The following ANKHD1 variants were observed in gnomAD, a reference collection of about 807,000 sequenced individuals.
The protein encoded by ANKHD1 is ankyrin repeat and KH domain containing 1, also known as ankyrin repeat and KH domain-containing protein 1.
A neutral mutation model predicts 230.5 loss-of-function variants in ANKHD1; 31 were observed. That is an observed-to-expected ratio of 0.13 (90% CI 0.10 to 0.18). The LOEUF (loss-of-function observed/expected upper bound fraction) is 0.18. Among genes scored for constraint, ANKHD1 ranks in the 10% least tolerant of loss-of-function variants. The pLI is 1.00. For missense variants in ANKHD1, 2,256 were observed against 3,071.3 expected, an observed-to-expected ratio of 0.73 and a Z score of 6.27; for synonymous variants, 1,074 against 1,117.6, an observed-to-expected ratio of 0.96 and a Z score of 0.78.
chr5:140,536,365 A>T (rs1489041164), intron 30 of ANKHD1, among the ~76,000 whole-genome samples: 1 of 152,228 alleles, frequency 6.6e-6, no homozygotes, highest in East Asian at 1.9e-4. Context: ...AAGTGCTGGG[A>T]TTACAGGCGT....
chr5:140,476,970 A>G (rs994757910), intron 10 of ANKHD1, among the ~76,000 whole-genome samples: 1 of 152,136 alleles, frequency 6.6e-6, no homozygotes, highest in Admixed American at 6.5e-5. Flanking sequence ...TTTAAAGAAA[A>G]ATAGAATCGT....
rs1214671694 is a variant in ANKHD1 at position 140,402,188 on chromosome 5, C to T, written c.221C>T (p.Ala74Val). Residue 74 changes from alanine (A) to valine (V), a missense_variant, in exon 1 of 34, where the codon GCG (alanine) becomes GTG (valine). Coordinates refer to ENST00000360839, the MANE Select transcript of ANKHD1 (RefSeq NM_017747.3). ...AGCGGTACGGGCGGAGGGGACGCGG[C>T]GCTGGATTTCAAGTTGGCGGCTGCC... ...SGSGTGGGDA[A>V]LDFKLAAAVL... The T allele has an allele frequency of 2.0e-6, 3 of 1,522,916 alleles. No individual in the cohort carries two copies. The highest frequency in any genetic ancestry group is 2.1e-5 in the Admixed American group (1 of 47,712). 94.3% of individuals were successfully genotyped at this position (1,522,916 alleles called of 1,614,324 possible).
In ANKHD1 at chr5:140,436,201, T is replaced by C; in HGVS notation, c.404T>C (p.Leu135Ser). ...TCAAGTACTGCAGAAGGAGCAGACT[T>C]ACGCACTGTGGATCCAGAGACACAG... ...FLSSTAEGAD[L>S]RTVDPETQAR... Residue 135 changes from leucine (L) to serine (S), a missense_variant, in exon 2 of 34, where the codon TTA becomes TCA. By Grantham distance (145) the Leu-to-Ser change is moderately radical. Around this residue, in one of 13 missense-constraint regions of ANKHD1, gnomAD observed 193 missense variants for 185.8 expected, o/e 1.04. Coordinates refer to ENST00000360839, the MANE Select transcript of ANKHD1 (RefSeq NM_017747.3). The C allele has an allele frequency of 6.2e-7, 1 of 1,608,492 alleles. No homozygotes were observed. Among genetic ancestry groups the C allele is most frequent in the Non-Finnish European group, 8.5e-7 (1 of 1,177,476 alleles).
intron 15 of ANKHD1, among the ~76,000 whole-genome samples, chr5:140,499,949 A>G (rs1287155184): frequency 6.6e-6 from 1 of 151,654 alleles, no homozygotes; most frequent in African/African-American, 2.4e-5. Context: ...GCTCACTGCA[A>G]CTTCCGCCTC....
chr5:140,498,868 A>T (rs201800807), intron 15 of ANKHD1, among the ~76,000 whole-genome samples: 6 of 124,818 alleles, frequency 4.8e-5, no homozygotes, highest in African/African-American at 6.0e-5. Flanking sequence ...TTTTTTTTTT[A>T]AAGAATGTAG....
rs976019990 is a variant in ANKHD1 at position 140,436,033 on chromosome 5, C to T, written c.307-71C>T. 18 of 1,351,570 alleles carry T rather than the reference C, an allele frequency of 1.3e-5. No individual in the cohort carries two copies. The South Asian group carries it at 3.5e-4, about 26-fold the overall frequency. The allele number at this position is 1,351,570 out of a possible 1,614,324, so 83.7% of individuals were successfully genotyped here. On this transcript the variant is annotated intron_variant, in intron 1 of 33. Coordinates refer to ENST00000360839, the MANE Select transcript of ANKHD1 (RefSeq NM_017747.3). ...AAGTTCTAATTAAGAAGTCATATTA[C>T]CTTAAATTGTAGTTATTCTAATCAT...
chr5:140,464,618 A>C (rs1257477007), intron 9 of ANKHD1, 49 bp from the exon 10 acceptor site: 1 of 1,455,498 alleles, frequency 6.9e-7, no homozygotes, highest in Non-Finnish European at 9.2e-7. Context: ...GGACTATCTA[A>C]TACAATTTTA....
chr5:140,402,790 A>G lies in ANKHD1; in HGVS notation c.306+517A>G, dbSNP rs78762367. 2.0e-3 allele frequency among the ~76,000 whole-genome samples: 310 copies of G among 152,152 alleles called. 2 individuals are homozygous for G. The highest frequency in any genetic ancestry group is 7.2e-3 in the African/African-American group (299 of 41,490). On this transcript the variant is annotated intron_variant, in intron 1 of 33. Transcript: ENST00000360839. ...TCAGTTTGAGACAGGTTTGAGTATT[A>G]GGGATCTCTCGGCTTTTACCCTGAA... is the stretch of plus-strand genomic sequence containing the variant.
rs148394474 is a variant in ANKHD1 at position 140,486,265 on chromosome 5, A to G, written c.2142+533A>G. On this transcript the variant is annotated intron_variant, in intron 13 of 33. Transcript: ENST00000360839. The stretch of plus-strand genomic sequence containing the variant: ...ATTTTAGTGGAGATGGAGTTTCACC[A>G]TGTTGCCCAGGGTGGTCTCAAACTC... 3.7e-3 allele frequency among the ~76,000 whole-genome samples: 557 copies of G among 152,176 alleles called. 7 individuals are homozygous for G. The highest frequency in any genetic ancestry group is 0.013 in the African/African-American group (543 of 41,526).
chr5:140,504,725 A>G, intron 15 of ANKHD1, 96 bp from the exon 16 acceptor site: 4 of 1,481,500 alleles, frequency 2.7e-6, no homozygotes, highest in Non-Finnish European at 3.6e-6. Context: ...ATTACTACAT[A>G]TTACTGCTAT....
intron 1 of ANKHD1, among the ~76,000 whole-genome samples, chr5:140,419,025 C>T (rs115223843): frequency 0.015 from 2,307 of 152,356 alleles, 63 homozygotes; most frequent in African/African-American, 0.052. Flanking sequence ...GCCATCATAC[C>T]TGTCCTACTG....
chr5:140,498,645 TGTA>T (rs1227396943), intron 15 of ANKHD1, among the ~76,000 whole-genome samples: 2 of 152,234 alleles, frequency 1.3e-5, no homozygotes, highest in Non-Finnish European at 2.9e-5. Flanking sequence ...AATAAATTCT[TGTA>T]GTTCATTTGG....
chr5:140,413,553 G>A (rs186751235), intron 1 of ANKHD1, among the ~76,000 whole-genome samples: 1 of 152,110 alleles, frequency 6.6e-6, no homozygotes, highest in African/African-American at 2.4e-5. Context: ...TTCTCTCTAT[G>A]AATTTTACTA....
intron 29 of ANKHD1, among the ~76,000 whole-genome samples, chr5:140,533,578 A>G (rs1480465949): frequency 1.3e-5 from 2 of 152,016 alleles, no homozygotes; most frequent in Non-Finnish European, 2.9e-5. Flanking sequence ...CAGCCTCGGC[A>G]ACAGAGCGAG....
intron 6 of ANKHD1, among the ~76,000 whole-genome samples, chr5:140,446,202 A>AC (rs1343598886): frequency 6.6e-6 from 1 of 152,112 alleles, no homozygotes; most frequent in African/African-American, 2.4e-5. Flanking sequence ...GTTAACTGTG[A>AC]AGTTAACCCA....
At chr5:140,508,804 G>A (rs1201245480) in intron 20 of ANKHD1, among the ~76,000 whole-genome samples, 1 of 138,846 alleles carries the variant, frequency 7.2e-6, no homozygotes, top group South Asian at 2.2e-4. Context: ...AAAGTCATAA[G>A]ATAATCTCCA....
chr5:140,436,304 A>G, intron 2 of ANKHD1, 47 bp downstream of exon 2: 1 of 1,412,904 alleles, frequency 7.1e-7, no homozygotes. Context: ...AAAAGTCTAG[A>G]TCTCTTTACA....
chr5:140,518,763 T>C (rs1179374464), intron 24 of ANKHD1, among the ~76,000 whole-genome samples: 2 of 152,106 alleles, frequency 1.3e-5, no homozygotes, highest in African/African-American at 4.8e-5. Flanking sequence ...ACTCAATAAA[T>C]TAGGTATTGA....
At chr5:140,509,504 C>T (rs537405466) in intron 20 of ANKHD1, 133 bp from the exon 21 acceptor site, 1 of 1,066,964 alleles carries the variant, frequency 9.4e-7, no homozygotes, top group East Asian at 3.1e-5. Context: ...TTTATGAGAG[C>T]TAATCAGAAC....
Sources: allele counts gnomAD v4.1 joint callset (sites outside exome capture counted in the v4.1 genomes callset), GRCh38; gene constraint gnomAD v4.1.1; regional missense constraint gnomAD v4.1.1; transcripts MANE v1.5; gene names NCBI Gene and HGNC (gene_info 2026-07-23, HGNC 2026-07-21).